The following KCNJ16 variants were observed in gnomAD, a reference collection of about 807,000 sequenced individuals.
The protein encoded by KCNJ16 is potassium inwardly rectifying channel subfamily J member 16, also known as inward rectifier potassium channel 16.
Under a neutral mutation model 18.5 loss-of-function variants are expected in KCNJ16, and 15 were observed. The ratio of observed to expected loss-of-function variants is 0.81; its 90% confidence interval spans 0.54 to 1.25. The LOEUF is 1.25. KCNJ16 is among the 50% of genes most tolerant of loss of function. The probability of loss-of-function intolerance (pLI) is 0.00; values close to 1 mark genes in which losing one functional copy is unlikely to be tolerated. For missense variants in KCNJ16, 523 were observed against 525.7 expected, an observed-to-expected ratio of 0.99 and a Z score of 0.05; for synonymous variants, 174 against 186.5, an observed-to-expected ratio of 0.93 and a Z score of 0.55.
At position 70,132,619 on chromosome 17, in the gene KCNJ16, A is replaced by C. The variant is rs747430411; in HGVS notation, c.532A>C (p.Arg178=). The C allele has an allele frequency of 6.2e-7, 1 of 1,614,248 alleles. No individual in the cohort carries two copies. Among genetic ancestry groups the C allele is most frequent in the Non-Finnish European group, 8.5e-7 (1 of 1,180,050 alleles). The change falls in exon 4 of 4, where the codon AGA becomes CGA. Residue 178 remains arginine (R), a synonymous_variant. Coordinates refer to ENST00000392671, the MANE Select transcript of KCNJ16 (RefSeq NM_170741.4). The part of the protein sequence containing the change: ...ALAKMATARK[R]AQTIRFSYFA... ...GGCCAAAATGGCAACTGCTCGAAAG[A>C]GAGCCCAAACCATTCGTTTCAGCTA...
chr17:70,093,358 C>A (rs1391430096), intron 1 of KCNJ16, among the ~76,000 whole-genome samples: 2 of 152,162 alleles, frequency 1.3e-5, no homozygotes, highest in Non-Finnish European at 2.9e-5. Context: ...TTAGCTTCTG[C>A]TAGCCCCGGG....
intron 1 of KCNJ16, among the ~76,000 whole-genome samples, chr17:70,086,765 C>T (rs903996870): frequency 5.3e-5 from 8 of 152,188 alleles, no homozygotes; most frequent in Admixed American, 4.6e-4. Flanking sequence ...AGATCATACA[C>T]TGGCATATTT....
At chr17:70,107,963 C>T (rs1341669623) in intron 2 of KCNJ16, among the ~76,000 whole-genome samples, 1 of 152,188 alleles carries the variant, frequency 6.6e-6, no homozygotes, top group Non-Finnish European at 1.5e-5. Flanking sequence ...AGAGTTAACA[C>T]TCAGTAGATT....
Position 70,110,621 on chromosome 17 carries a change from A to G in KCNJ16, c.-191+9855A>G, listed in dbSNP as rs145298905. Among the ~76,000 whole-genome samples, 603 of 152,314 alleles carry G rather than the reference A, an allele frequency of 4.0e-3. 6 individuals carry two copies. Among genetic ancestry groups the G allele is most frequent in the African/African-American group, 0.01 (435 of 41,580 alleles). ...CCTGTGTACTTTGGATCCACGCAGT[A>G]GGAAGCTTCATGCTTGCTGCTTTCC... On this transcript the variant is annotated intron_variant, in intron 2 of 3. Transcript: ENST00000392671.
chr17:70,103,313 TATATATATACA>T, intron 2 of KCNJ16, among the ~76,000 whole-genome samples: 1 of 16,684 alleles, frequency 6.0e-5, no homozygotes, highest in Non-Finnish European at 1.5e-4. Flanking sequence ...TATATATATA[TATATATATACA>T]CACACATATA....
chr17:70,097,460 G>A (rs144811451), intron 1 of KCNJ16, among the ~76,000 whole-genome samples: 1 of 152,294 alleles, frequency 6.6e-6, no homozygotes, highest in African/African-American at 2.4e-5. Context: ...AGAGGAGGAG[G>A]TCAGGAGCAG....
At chr17:70,083,609 T>C (rs1258270889) in intron 1 of KCNJ16, among the ~76,000 whole-genome samples, 2 of 152,152 alleles carry the variant, frequency 1.3e-5, no homozygotes, top group African/African-American at 4.8e-5. Context: ...CCATACAGCC[T>C]AGGTGTGTAG....
intron 1 of KCNJ16, among the ~76,000 whole-genome samples, chr17:70,076,050 G>C (rs917427126): frequency 5.9e-5 from 9 of 151,284 alleles, no homozygotes; most frequent in Admixed American, 2.0e-4. Context: ...GTAAAACTTT[G>C]CTCTCTGGAT....
chr17:70,078,793 C>A (rs752340945), intron 1 of KCNJ16, among the ~76,000 whole-genome samples: 2 of 152,126 alleles, frequency 1.3e-5, no homozygotes, highest in Non-Finnish European at 2.9e-5. Context: ...ACATAACGTA[C>A]AATTAGCACA....
intron 1 of KCNJ16, among the ~76,000 whole-genome samples, chr17:70,081,208 G>A (rs2071538346): frequency 6.6e-6 from 1 of 152,112 alleles, no homozygotes; most frequent in African/African-American, 2.4e-5. Flanking sequence ...GATCAGAATT[G>A]AGCCAATTTG....
intron 1 of KCNJ16, among the ~76,000 whole-genome samples, chr17:70,081,806 CTG>C (rs5821755): frequency 0.4 from 59,371 of 149,022 alleles, 11,914 homozygotes; most frequent in South Asian, 0.45. Flanking sequence ...TCACCATGCT[CTG>C]TGTGTGTGTG....
At chr17:70,095,628 A>C (rs1598110678) in intron 1 of KCNJ16, among the ~76,000 whole-genome samples, 1 of 152,236 alleles carries the variant, frequency 6.6e-6, no homozygotes, top group African/African-American at 2.4e-5. Context: ...AGCTCTGGAT[A>C]AATAATTTCT....
intron 2 of KCNJ16, among the ~76,000 whole-genome samples, chr17:70,107,888 A>C (rs1419309590): frequency 6.6e-6 from 1 of 152,090 alleles, no homozygotes; most frequent in Non-Finnish European, 1.5e-5. Context: ...AGAGTTTTCT[A>C]GTTCAACCAC....
Position 70,078,789 on chromosome 17 carries a change from C to T in KCNJ16, c.-300+3399C>T, listed in dbSNP as rs545181059. Among the ~76,000 whole-genome samples the T allele has an allele frequency of 4.6e-5, 7 of 152,272 alleles. No individual in the cohort carries two copies. In the East Asian group the frequency reaches 1.2e-3, roughly 25 times the overall value. On this transcript the variant is annotated intron_variant, in intron 1 of 3. Coordinates refer to ENST00000392671, the MANE Select transcript of KCNJ16 (RefSeq NM_170741.4). ...ATGGTCCAGCACCATCATAACATAA[C>T]GTACAATTAGCACACCAACCAATCA...
intron 2 of KCNJ16, among the ~76,000 whole-genome samples, chr17:70,129,841 T>A (rs1470034963): frequency 6.6e-6 from 1 of 152,218 alleles, no homozygotes; most frequent in Non-Finnish European, 1.5e-5. Context: ...GTATAGCAGT[T>A]GCTGGTACCC....
At chr17:70,081,726 G>C (rs543195510) in intron 1 of KCNJ16, among the ~76,000 whole-genome samples, 1 of 152,244 alleles carries the variant, frequency 6.6e-6, no homozygotes, top group African/African-American at 2.4e-5. Flanking sequence ...CAGGGGTATA[G>C]AGCGAGCAGA....
chr17:70,119,418 G>A (rs2073542602), intron 2 of KCNJ16, among the ~76,000 whole-genome samples: 2 of 152,192 alleles, frequency 1.3e-5, no homozygotes, highest in East Asian at 3.9e-4. Flanking sequence ...CCCTTCCCTA[G>A]TAGAGGTTCT....
At chr17:70,104,728 G>A (rs1169467043) in intron 2 of KCNJ16, 1 of 152,438 alleles carries the variant, frequency 6.6e-6, no homozygotes, top group Non-Finnish European at 1.5e-5. Context: ...AAACAAAGAT[G>A]TAAATAGGCA....
At chr17:70,124,704 C>T (rs1256378283) in intron 2 of KCNJ16, among the ~76,000 whole-genome samples, 2 of 152,146 alleles carry the variant, frequency 1.3e-5, no homozygotes, top group African/African-American at 4.8e-5. Flanking sequence ...GTTTCAGAAC[C>T]GTCTTAGTAA....
Sources: allele counts gnomAD v4.1 joint callset (sites outside exome capture counted in the v4.1 genomes callset), GRCh38; gene constraint gnomAD v4.1.1; transcripts MANE v1.5; gene names NCBI Gene and HGNC (gene_info 2026-07-23, HGNC 2026-07-21).